WRAP53: variants seen among roughly 807,000 people sequenced by gnomAD.
WRAP53 encodes WD repeat containing antisense to TP53.
Under a neutral mutation model 56.6 loss-of-function variants are expected in WRAP53, and 28 were observed. The observed-to-expected ratio is 0.50, with a 90% CI of 0.37 to 0.68. The LOEUF is 0.68. Ranked by LOEUF, WRAP53 falls within the 30% of genes least tolerant of loss-of-function variation. The pLI is 0.00. For synonymous variants in WRAP53, 283 were observed against 283.4 expected, an observed-to-expected ratio of 1.00 and a Z score of 0.01; for missense variants, 671 against 715.5, an observed-to-expected ratio of 0.94 and a Z score of 0.71.
chr17:7,703,403 G>A lies in WRAP53; in HGVS notation c.1564G>A (p.Ala522Thr), dbSNP rs769202794. The change falls in exon 11 of 11, where the codon GCG becomes ACG. Residue 522 changes from alanine (A) to threonine (T), a missense_variant. By Grantham distance (58) the Ala-to-Thr change is moderately conservative. Around this residue, in one of 3 missense-constraint regions of WRAP53, gnomAD observed 107 missense variants for 81.3 expected, o/e 1.32. Transcript: ENST00000396463. ...GCTTCAGCTCTGGTGGTGTGGGGGG[G>A]CGCCAGACTCCAGCATCCCTGATGA... ...CRLQLWWCGG[A>T]PDSSIPDDHQ... 109 of 1,611,802 alleles carry A rather than the reference G, an allele frequency of 6.8e-5. No individual in the cohort carries two copies. The highest frequency in any genetic ancestry group is 8.7e-5 in the Non-Finnish European group (103 of 1,178,832).
At chr17:7,691,079 G>A (rs994774263) in intron 4 of WRAP53, among the ~76,000 whole-genome samples, 34 of 151,316 alleles carry the variant, frequency 2.2e-4, no homozygotes, top group Non-Finnish European at 4.4e-5. Flanking sequence ...TGTGATGGTG[G>A]GTGCCTGTAA....
rs1404073503 is a variant in WRAP53 at position 7,688,509 on chromosome 17, G to T, written c.-54G>T. On this transcript the variant is annotated 5_prime_UTR_variant, in exon 1 of 11. Transcript: ENST00000396463. ...TCAAAAGAATTGGCGTCCGCTGTTC[G>T]CCTCTCCTCCCGGGAGTCTTCTGCC... is the stretch of plus-strand genomic sequence containing the variant. 3 of 880,054 alleles carry T rather than the reference G, an allele frequency of 3.4e-6. No homozygotes were observed. In the African/African-American group the frequency reaches 5.1e-5, roughly 15 times the overall value. The allele number at this position is 880,054 out of a possible 1,614,324, so 54.5% of individuals were successfully genotyped here.
Position 7,701,394 on chromosome 17 carries a change from T to C in WRAP53, c.732-65T>C, listed in dbSNP as rs1231932911. On this transcript the variant is annotated intron_variant, in intron 5 of 10. Transcript: ENST00000396463. This position sits in a 1 kb window ranked among gnomAD's most constrained non-coding sequence, Gnocchi z 4.2. ...TGCTGGGATTACAGGCATGAGCCAC[T>C]GTGCCCGGCCATTCCTCCCCTTCCT... 3.2e-6 allele frequency: 5 copies of C among 1,572,718 alleles called. No individual in the cohort carries two copies. Among genetic ancestry groups the C allele is most frequent in the African/African-American group, 1.4e-5 (1 of 74,004 alleles).
intron 4 of WRAP53, among the ~76,000 whole-genome samples, chr17:7,696,811 G>A (rs1597413863): frequency 7.2e-6 from 1 of 138,030 alleles, no homozygotes; most frequent in Admixed American, 9.1e-5. Flanking sequence ...AGGAGGAACA[G>A]CAGGTTTGAT....
Position 7,694,152 on chromosome 17 carries a change from G to A in WRAP53, c.642+4451G>A, listed in dbSNP as rs145562392. Among the ~76,000 whole-genome samples, 133 of 151,974 alleles carry A rather than the reference G, an allele frequency of 8.8e-4. 1 individual carries two copies. The East Asian group carries it at 0.025, about 28-fold the overall frequency. ...GATACAAAGTTAGCCAGGCATGGTC[G>A]TGATTATGATATTAATGATTATAAT... On this transcript the variant is annotated intron_variant, in intron 4 of 10. Coordinates refer to ENST00000396463, the MANE Select transcript of WRAP53 (RefSeq NM_001143992.2).
At chr17:7,698,259 C>T (rs2074212994) in intron 4 of WRAP53, among the ~76,000 whole-genome samples, 1 of 152,080 alleles carries the variant, frequency 6.6e-6, no homozygotes, top group African/African-American at 2.4e-5. Context: ...AATGTTAAAG[C>T]ACACTAGCCA....
At chr17:7,700,703 C>T (rs1481263147) in intron 4 of WRAP53, 38 bp from the exon 5 acceptor site, 1 of 1,510,074 alleles carries the variant, frequency 6.6e-7, no homozygotes, top group Non-Finnish European at 9.2e-7. Context: ...ACTCCTTTTC[C>T]CTCCGAGTGA....
At chr17:7,698,637 G>GA (rs2074217322) in intron 4 of WRAP53, among the ~76,000 whole-genome samples, 1 of 152,148 alleles carries the variant, frequency 6.6e-6, no homozygotes, top group South Asian at 2.1e-4. Context: ...CAGCACTTGG[G>GA]AGACTGAGGT....
chr17:7,696,600 G>A (rs987408741), intron 4 of WRAP53, among the ~76,000 whole-genome samples: 3 of 152,068 alleles, frequency 2.0e-5, no homozygotes, highest in African/African-American at 7.2e-5. Flanking sequence ...GCCCGGTCAG[G>A]ACTCAGAGAT....
At chr17:7,687,205 A>T (rs1463011357), upstream of WRAP53, 2 of 397,462 alleles carry the variant, frequency 5.0e-6, no homozygotes, top group Admixed American at 8.8e-5. Flanking sequence ...GTCTCCCAAC[A>T]ATGCAACTCC....
chr17:7,695,024 C>T (rs2074163593), intron 4 of WRAP53, among the ~76,000 whole-genome samples: 1 of 151,902 alleles, frequency 6.6e-6, no homozygotes, highest in Non-Finnish European at 1.5e-5. Flanking sequence ...GCGATCTCAG[C>T]TCACTGCAAG....
chr17:7,699,376 G>A (rs534149313), intron 4 of WRAP53, among the ~76,000 whole-genome samples: 3 of 144,958 alleles, frequency 2.1e-5, no homozygotes, highest in African/African-American at 2.5e-5. Context: ...AACTGAGATC[G>A]TGCCACTGCA....
Position 7,688,706 on chromosome 17 carries a change from C to A in WRAP53, c.58C>A (p.Pro20Thr). The A allele has an allele frequency of 6.2e-7, 1 of 1,614,160 alleles. No individual in the cohort carries two copies. The highest frequency in any genetic ancestry group is 1.1e-5 in the South Asian group (1 of 91,084). Reference sequence around the variant, plus strand: ...GGACTGCTGTCCTTCAGACCAGGACCCAGCTCCAGCCCATCCTTCTCCCCA... The same window carrying A: ...GGACTGCTGTCCTTCAGACCAGGACACAGCTCCAGCCCATCCTTCTCCCCA... The part of the protein sequence containing the change: ...APDCCPSDQD[P>T]APAHPSPHAS... Residue 20 changes from proline (P) to threonine (T), a missense_variant, in exon 2 of 11, where the codon CCA (proline) becomes ACA (threonine). This residue lies in a region of WRAP53 where 406 missense variants were observed against 418.5 expected (regional missense o/e 0.97). Transcript: ENST00000396463.
At chr17:7,699,490 ATATATATATATT>A (rs1567577458) in intron 4 of WRAP53, among the ~76,000 whole-genome samples, 19 of 13,066 alleles carry the variant, frequency 1.5e-3, no homozygotes, top group South Asian at 7.9e-3. Context: ...ATATATATAT[ATATATATATATT>A]TATATATATA....
intron 4 of WRAP53, among the ~76,000 whole-genome samples, chr17:7,692,634 A>G (rs1322324017): frequency 2.6e-5 from 4 of 151,122 alleles, no homozygotes; most frequent in African/African-American, 9.7e-5. Flanking sequence ...AAAAAAAAAA[A>G]AAAAAAAAGA....
chr17:7,688,799 C>T lies in WRAP53; in HGVS notation c.151C>T (p.Pro51Ser), dbSNP rs1258056859. ...ACCGCCTCCCGAAAGGGGGGATCCG[C>T]CCCGGTTGTCCCCAGATCCTGTGGC... ...MPPPPERGDP[P>S]RLSPDPVAGS... Residue 51 changes from proline (P) to serine (S), a missense_variant, in exon 2 of 11, where the codon CCC (proline) becomes TCC (serine). Around this residue, in one of 3 missense-constraint regions of WRAP53, gnomAD observed 406 missense variants for 418.5 expected, o/e 0.97. Transcript: ENST00000396463. 1 of 1,614,226 alleles carries T rather than the reference C, an allele frequency of 6.2e-7. No homozygotes were observed. The highest frequency in any genetic ancestry group is 1.7e-5 in the Admixed American group (1 of 60,018).
At chr17:7,694,505 AGTG>A (rs1176041720) in intron 4 of WRAP53, among the ~76,000 whole-genome samples, 1 of 152,100 alleles carries the variant, frequency 6.6e-6, no homozygotes, top group Non-Finnish European at 1.5e-5. Context: ...CGCCTCCTAA[AGTG>A]CTGGGATTAC....
upstream of WRAP53, chr17:7,686,985 T>C (rs893214752): frequency 6.9e-5 from 15 of 216,824 alleles, no homozygotes; most frequent in Non-Finnish European, 3.6e-5. Context: ...AATATACAGC[T>C]ATGAGTTCTC....
chr17:7,695,520 C>A (rs2074171725), intron 4 of WRAP53, among the ~76,000 whole-genome samples: 1 of 152,120 alleles, frequency 6.6e-6, no homozygotes, highest in Admixed American at 6.6e-5. Context: ...TCCTCTGTAC[C>A]CTTTATCTCT....
Sources: gnomAD v4.1 joint callset for allele counts (sites outside exome capture counted in the v4.1 genomes callset) on GRCh38, gnomAD v4.1.1 for gene constraint, gnomAD v4.1.1 regional missense constraint, Gnocchi (gnomAD v3.1) non-coding constraint, MANE v1.5 for transcripts, NCBI Gene and HGNC (gene_info 2026-07-23, HGNC 2026-07-21) for gene names.